PRKACB: variants seen among roughly 807,000 people sequenced by gnomAD.
The protein encoded by PRKACB is cAMP-dependent protein kinase catalytic subunit beta.
In PRKACB, 16 loss-of-function variants were observed where a neutral mutation model predicts 51.4. The observed-to-expected ratio is 0.31, with a 90% CI of 0.21 to 0.47. The LOEUF is 0.47. Among genes scored for constraint, PRKACB ranks in the 20% least tolerant of loss-of-function variants. The pLI is 1.00. For synonymous variants in PRKACB, 147 were observed against 154.4 expected (o/e 0.95, Z 0.35); for missense variants, 309 against 464.5 (o/e 0.67, Z 3.08).
At chr1:84,154,372 A>C (rs1006837469) in intron 1 of PRKACB, among the ~76,000 whole-genome samples, 2 of 152,054 alleles carry the variant, frequency 1.3e-5, no homozygotes, top group Non-Finnish European at 2.9e-5. Flanking sequence ...TTTTAGTTTG[A>C]TGCAATGAAC....
At chr1:84,227,532 C>A (rs1308509593) in intron 9 of PRKACB, among the ~76,000 whole-genome samples, 1 of 152,088 alleles carries the variant, frequency 6.6e-6, no homozygotes, top group Non-Finnish European at 1.5e-5. Context: ...ATTTACTTAT[C>A]TATTCCTATT....
At chr1:84,098,832 G>A (rs1649122504) in intron 1 of PRKACB, among the ~76,000 whole-genome samples, 2 of 152,084 alleles carry the variant, frequency 1.3e-5, no homozygotes. Context: ...TATGCTGGAA[G>A]TGATTATAAT....
chr1:84,125,191 A>C (rs1472039667), intron 1 of PRKACB, among the ~76,000 whole-genome samples: 2 of 152,156 alleles, frequency 1.3e-5, no homozygotes, highest in African/African-American at 4.8e-5. Context: ...CCTTATGGTT[A>C]TAGGACTAGG....
intron 1 of PRKACB, among the ~76,000 whole-genome samples, chr1:84,111,163 A>G (rs1159356691): frequency 6.6e-6 from 1 of 152,096 alleles, no homozygotes; most frequent in Admixed American, 6.6e-5. Flanking sequence ...AGCCTGACAT[A>G]TAAGATGATT....
At position 84,237,180 on chromosome 1, in the gene PRKACB, G is replaced by C. The variant is rs1297171127; in HGVS notation, c.*1875G>C. ...AAAATAAAATACTCTGCTCTAGCAA[G>C]TTTTGTGTAACAAAGGCATATCGTC... On this transcript the variant is annotated 3_prime_UTR_variant, in exon 10 of 10. Coordinates refer to ENST00000370685, the MANE Select transcript of PRKACB (RefSeq NM_182948.4). 1.3e-5 allele frequency: 2 copies of C among 152,582 alleles called. No homozygotes were observed. The highest frequency in any genetic ancestry group is 4.8e-5 in the African/African-American group (2 of 41,458). 9.5% of individuals were successfully genotyped at this position (152,582 alleles called of 1,614,324 possible).
intron 1 of PRKACB, among the ~76,000 whole-genome samples, chr1:84,136,593 A>G (rs1490848110): frequency 6.6e-6 from 1 of 152,030 alleles, no homozygotes; most frequent in Admixed American, 6.6e-5. Context: ...GGTAATGAAA[A>G]TGGCACAACC....
At chr1:84,102,156 G>A (rs1388988073) in intron 1 of PRKACB, among the ~76,000 whole-genome samples, 1 of 151,652 alleles carries the variant, frequency 6.6e-6, no homozygotes, top group Non-Finnish European at 1.5e-5. Context: ...AGATCACGAG[G>A]TCAGGAGTTC....
At chr1:84,208,737 A>G (rs1211654066) in intron 8 of PRKACB, among the ~76,000 whole-genome samples, 1 of 152,226 alleles carries the variant, frequency 6.6e-6, no homozygotes, top group African/African-American at 2.4e-5. Flanking sequence ...ATTAATGTCT[A>G]CAGAATACTA....
At chr1:84,153,688 A>G (rs1655108893) in intron 1 of PRKACB, among the ~76,000 whole-genome samples, 1 of 152,066 alleles carries the variant, frequency 6.6e-6, no homozygotes, top group Non-Finnish European at 1.5e-5. Context: ...TGTCTGCCTT[A>G]TTTCACTTAA....
intron 1 of PRKACB, chr1:84,175,921 C>G: frequency 1.2e-6 from 1 of 804,432 alleles, no homozygotes; most frequent in Non-Finnish European, 1.8e-6. Flanking sequence ...TTTGTGTGTC[C>G]TCTTTTTTGT....
At chr1:84,203,859 G>A (rs7526584) in intron 8 of PRKACB, among the ~76,000 whole-genome samples, 1,704 of 151,900 alleles carry the variant, frequency 0.011, 42 homozygotes, top group African/African-American at 0.039. Flanking sequence ...GAGATAAGCC[G>A]GAAGGAGATA....
At chr1:84,164,939 T>G (rs1391952320) in intron 1 of PRKACB, 1 of 1,530,878 alleles carries the variant, frequency 6.5e-7, no homozygotes, top group Admixed American at 2.1e-5. Context: ...CTCTAGAGAT[T>G]AGCATAACTC....
At chr1:84,079,246 T>A (rs1476594572) in intron 1 of PRKACB, among the ~76,000 whole-genome samples, 3 of 152,210 alleles carry the variant, frequency 2.0e-5, no homozygotes, top group African/African-American at 7.2e-5. Flanking sequence ...TGGTTTGCCT[T>A]TGTAAAGTTC....
In PRKACB at chr1:84,193,930, A is replaced by C. The variant is rs1236930566; in HGVS notation, c.561-2686A>C. 1.2e-4 allele frequency among the ~76,000 whole-genome samples: 19 copies of C among 152,188 alleles called. 1 individual carries two copies. The highest frequency in any genetic ancestry group is 4.4e-5 in the Non-Finnish European group (3 of 68,030). On this transcript the variant is annotated intron_variant, in intron 5 of 9. Coordinates refer to ENST00000370685, the MANE Select transcript of PRKACB (RefSeq NM_182948.4). ...ATGATGGTGGCAGACTCAGAATATC[A>C]CAAGATGATATCAAGTAATGAGCAA...
intron 1 of PRKACB, among the ~76,000 whole-genome samples, chr1:84,159,502 T>G (rs2100689526): frequency 6.6e-6 from 1 of 152,254 alleles, no homozygotes; most frequent in African/African-American, 2.4e-5. Flanking sequence ...TAGTAGTTTC[T>G]TTATAGATTC....
At chr1:84,086,077 G>A in intron 1 of PRKACB, 1 of 1,233,020 alleles carries the variant, frequency 8.1e-7, no homozygotes, top group Non-Finnish European at 1.2e-6. Context: ...TGATGGCCAA[G>A]GTGTATATTG....
At chr1:84,173,223 T>C in intron 1 of PRKACB, 1 of 695,334 alleles carries the variant, frequency 1.4e-6, no homozygotes, top group South Asian at 2.8e-5. Context: ...GTTTTATCAT[T>C]CTATTTCTAT....
At chr1:84,145,637 G>A (rs998281834) in intron 1 of PRKACB, among the ~76,000 whole-genome samples, 2 of 151,894 alleles carry the variant, frequency 1.3e-5, no homozygotes, top group Admixed American at 6.6e-5. Flanking sequence ...ATGTATTTGT[G>A]CATTTTTTCC....
At position 84,235,930 on chromosome 1, in the gene PRKACB, G is replaced by C. The variant is rs771229157; in HGVS notation, c.*625G>C. 2.0e-5 allele frequency: 3 copies of C among 152,602 alleles called. No individual in the cohort carries two copies. The highest frequency in any genetic ancestry group is 2.9e-5 in the Non-Finnish European group (2 of 68,064). The allele number at this position is 152,602 out of a possible 1,614,324, so 9.5% of individuals were successfully genotyped here. On this transcript the variant is annotated 3_prime_UTR_variant, in exon 10 of 10. Transcript: ENST00000370685. Reference sequence around the variant, plus strand: ...CAGTACAGCTAGACCCAGAAATTTGGAAGGCTGTAGATCAGAGGTTCTAGT... The same window carrying C: ...CAGTACAGCTAGACCCAGAAATTTGCAAGGCTGTAGATCAGAGGTTCTAGT...
Sources: allele counts gnomAD v4.1 joint callset (sites outside exome capture counted in the v4.1 genomes callset), GRCh38; gene constraint gnomAD v4.1.1; transcripts MANE v1.5; gene names NCBI Gene and HGNC (gene_info 2026-07-23, HGNC 2026-07-21).